Variants in RBFOX1 observed in about 807,000 individuals in gnomAD.
The protein encoded by RBFOX1 is RNA binding fox-1 homolog 1, also known as RNA binding protein fox-1 homolog 1.
Under a neutral mutation model 57.7 loss-of-function variants are expected in RBFOX1, and 8 were observed. The ratio of observed to expected loss-of-function variants is 0.14; its 90% CI spans 0.08 to 0.25. The LOEUF is 0.25. Ranked by LOEUF, RBFOX1 falls within the 10% of genes least tolerant of loss-of-function variation. RBFOX1 has a pLI of 1.00. For synonymous variants in RBFOX1, 326 were observed against 222.4 expected (o/e 1.47, Z -4.15); for missense variants, 611 against 548.5 (o/e 1.11, Z -1.14).
intron 3 of RBFOX1, among the ~76,000 whole-genome samples, chr16:5,806,599 C>G (rs114524959): frequency 6.6e-6 from 1 of 152,182 alleles, no homozygotes; most frequent in Non-Finnish European, 1.5e-5. Flanking sequence ...GAACAAGTTG[C>G]AAGTCTGCTT....
At chr16:7,364,971 A>G (rs981987617) in intron 4 of RBFOX1, among the ~76,000 whole-genome samples, 4 of 152,230 alleles carry the variant, frequency 2.6e-5, no homozygotes, top group Admixed American at 1.3e-4. Context: ...CTTGAGACCT[A>G]CAATGATCAG....
At chr16:7,670,172 C>T (rs557481673) in intron 13 of RBFOX1, among the ~76,000 whole-genome samples, 1 of 152,268 alleles carries the variant, frequency 6.6e-6, no homozygotes, top group African/African-American at 2.4e-5. Flanking sequence ...GCTGAGACTA[C>T]ATGCATGCAC....
intron 3 of RBFOX1, among the ~76,000 whole-genome samples, chr16:5,689,281 C>T (rs2050596685): frequency 1.3e-5 from 2 of 152,250 alleles, no homozygotes; most frequent in Non-Finnish European, 2.9e-5. Flanking sequence ...AAGTTACCTG[C>T]TGGTAATGTG....
At chr16:6,781,528 AG>A (rs201871601) in intron 3 of RBFOX1, among the ~76,000 whole-genome samples, 4,674 of 152,228 alleles carry the variant, frequency 0.031, 229 homozygotes, top group East Asian at 0.23. Flanking sequence ...AATATTTGGT[AG>A]AATTCAACAG....
Position 5,259,065 on chromosome 16 carries a change from G to A in RBFOX1, c.219+18960G>A, listed in dbSNP as rs1301900339. Among the ~76,000 whole-genome samples, 4 of 152,164 alleles carry A rather than the reference G, an allele frequency of 2.6e-5. No homozygotes were observed. The East Asian group carries it at 7.7e-4, about 29-fold the overall frequency. ...AAGCATTCCCAGGGCTGGCTCTGAT[G>A]CTGATAAAGCCCATTGTCATGAATG... is the stretch of plus-strand genomic sequence containing the variant. On this transcript the variant is annotated intron_variant, in intron 1 of 2. Coordinates refer to the RBFOX1 transcript ENST00000585867.
Position 7,238,931 on chromosome 16 carries a change from G to A in RBFOX1, c.27+186833G>A, listed in dbSNP as rs985846477. ...TCCTTTGTTAGTTTGCTGAGAATGA[G>A]AGCCTCCAGTTTCATCCATGTTCCT... is the stretch of plus-strand genomic sequence containing the variant. On this transcript the variant is annotated intron_variant, in intron 4 of 15. Coordinates refer to ENST00000550418, the MANE Select transcript of RBFOX1 (RefSeq NM_018723.4). Among the ~76,000 whole-genome samples the A allele has an allele frequency of 2.0e-5, 3 of 152,252 alleles. No individual in the cohort carries two copies. In the East Asian group the frequency reaches 5.8e-4, roughly 29 times the overall value.
chr16:5,437,564 G>A (rs1448150335), intron 1 of RBFOX1, among the ~76,000 whole-genome samples: 1 of 152,160 alleles, frequency 6.6e-6, no homozygotes, highest in Non-Finnish European at 1.5e-5. Context: ...TCTAATGGAT[G>A]CAAACTTAAA....
At chr16:5,759,161 T>A (rs891052893) in intron 3 of RBFOX1, among the ~76,000 whole-genome samples, 8 of 152,186 alleles carry the variant, frequency 5.3e-5, no homozygotes, top group African/African-American at 1.9e-4. Flanking sequence ...TCAGTAGGGG[T>A]TCATTAGCCT....
At chr16:7,064,946 G>A (rs2055582314) in intron 4 of RBFOX1, among the ~76,000 whole-genome samples, 1 of 152,132 alleles carries the variant, frequency 6.6e-6, no homozygotes, top group Non-Finnish European at 1.5e-5. Context: ...GGACTCCCTT[G>A]GGGGATAGAG....
At chr16:6,219,896 AAAG>A (rs767660983) in intron 1 of RBFOX1, among the ~76,000 whole-genome samples, 21 of 152,236 alleles carry the variant, frequency 1.4e-4, no homozygotes, top group Admixed American at 2.6e-4. Flanking sequence ...AACAAACAAA[AAAG>A]AGAATAAACT....
chr16:5,960,702 C>T (rs557001660), intron 4 of RBFOX1, among the ~76,000 whole-genome samples: 4 of 152,268 alleles, frequency 2.6e-5, no homozygotes, highest in Admixed American at 2.0e-4. Flanking sequence ...TTCAACTTCA[C>T]AGAGCCCAGC....
At chr16:6,862,737 C>T (rs780373255) in intron 3 of RBFOX1, among the ~76,000 whole-genome samples, 12 of 152,106 alleles carry the variant, frequency 7.9e-5, no homozygotes, top group South Asian at 4.2e-4. Context: ...GTAATCCCGG[C>T]GCTTTGTAAG....
At chr16:7,028,548 T>C (rs2041663145) in intron 3 of RBFOX1, among the ~76,000 whole-genome samples, 1 of 127,592 alleles carries the variant, frequency 7.8e-6, no homozygotes, top group South Asian at 2.4e-4. Context: ...GGTTGAAGCA[T>C]TGCACTCCAA....
At chr16:6,832,346 T>A (rs958888889) in intron 3 of RBFOX1, among the ~76,000 whole-genome samples, 7 of 152,178 alleles carry the variant, frequency 4.6e-5, no homozygotes, top group Non-Finnish European at 1.0e-4. Flanking sequence ...TACAGAGTGT[T>A]CTAAATTAGA....
intron 1 of RBFOX1, among the ~76,000 whole-genome samples, chr16:6,270,607 G>A (rs1383136243): frequency 6.6e-6 from 1 of 151,986 alleles, no homozygotes; most frequent in African/African-American, 2.4e-5. Context: ...ATAACTCAAA[G>A]GAGAAATGGA....
intron 3 of RBFOX1, among the ~76,000 whole-genome samples, chr16:6,867,205 T>C (rs1028518547): frequency 2.0e-5 from 3 of 152,268 alleles, no homozygotes; most frequent in East Asian, 3.9e-4. Flanking sequence ...AGCATGAAGC[T>C]ATATAAGTCT....
At chr16:7,321,111 A>C (rs914354308) in intron 4 of RBFOX1, among the ~76,000 whole-genome samples, 18 of 149,978 alleles carry the variant, frequency 1.2e-4, no homozygotes, top group Non-Finnish European at 2.1e-4. Flanking sequence ...ATATACATAT[A>C]CATATACATA....
intron 1 of RBFOX1, among the ~76,000 whole-genome samples, chr16:6,063,214 G>C (rs550010884): frequency 6.6e-6 from 1 of 151,962 alleles, no homozygotes; most frequent in Non-Finnish European, 1.5e-5. Context: ...AGCAGCAAGA[G>C]GGAAAGAAAA....
intron 3 of RBFOX1, among the ~76,000 whole-genome samples, chr16:6,995,795 G>T (rs769984565): frequency 1.3e-5 from 2 of 151,966 alleles, no homozygotes; most frequent in African/African-American, 4.8e-5. Context: ...AAAAGGGAAA[G>T]GCTTTGAGGT....
Sources: gnomAD v4.1 joint callset for allele counts (sites outside exome capture counted in the v4.1 genomes callset) on GRCh38, gnomAD v4.1.1 for gene constraint, MANE v1.5 for transcripts, NCBI Gene and HGNC (gene_info 2026-07-23, HGNC 2026-07-21) for gene names.